NRG1: variants seen among roughly 807,000 people sequenced by gnomAD.
NRG1 encodes the protein pro-neuregulin-1, membrane-bound isoform.
NRG1 carries 18 observed loss-of-function variants against 63.8 expected under a neutral mutation model. That is an observed-to-expected ratio of 0.28 (90% CI 0.19 to 0.42). The LOEUF is 0.42. NRG1 is among the 10% of genes least tolerant of loss of function. The probability of loss-of-function intolerance (pLI) is 1.00; values close to 1 mark genes in which losing one functional copy is unlikely to be tolerated. For missense variants in NRG1, 762 were observed against 814.7 expected (o/e 0.94, Z 0.79); for synonymous variants, 302 against 301.3 (o/e 1.00, Z -0.02).
intron 1 of NRG1, among the ~76,000 whole-genome samples, chr8:31,800,812 G>A (rs1821693546): frequency 6.8e-6 from 1 of 146,878 alleles, no homozygotes; most frequent in Non-Finnish European, 1.5e-5. Flanking sequence ...ATAACATTGT[G>A]ATTTAGATTT....
At chr8:31,865,124 G>T (rs1201987528) in intron 1 of NRG1, among the ~76,000 whole-genome samples, 1 of 152,082 alleles carries the variant, frequency 6.6e-6, no homozygotes, top group Admixed American at 6.5e-5. Flanking sequence ...TGGCACCACT[G>T]CTGGCTTTAA....
At position 32,724,160 on chromosome 8, in the gene NRG1, A is replaced by G. The variant is rs553057242; in HGVS notation, c.503-3789A>G. ...AAAGTGTGTTTGGGATAAAGTGGTC[A>G]CATAAATGGCAAACATCAAAGTAAT... On this transcript the variant is annotated intron_variant, in intron 5 of 11. Coordinates refer to ENST00000356819, the Ensembl canonical transcript of NRG1. Among the ~76,000 whole-genome samples, 12 of 152,356 alleles carry G rather than the reference A, an allele frequency of 7.9e-5. 1 individual carries two copies. In the South Asian group the frequency reaches 2.5e-3, roughly 32 times the overall value.
chr8:32,088,666 C>T (rs912856797), intron 1 of NRG1, among the ~76,000 whole-genome samples: 2 of 151,992 alleles, frequency 1.3e-5, no homozygotes, highest in African/African-American at 2.4e-5. Flanking sequence ...TACAGGTGCA[C>T]GCCACCATGC....
chr8:31,894,124 G>T (rs1831369288), intron 1 of NRG1, among the ~76,000 whole-genome samples: 1 of 152,080 alleles, frequency 6.6e-6, no homozygotes, highest in African/African-American at 2.4e-5. Context: ...AGAAAGAAAG[G>T]TAATGTAATT....
chr8:32,098,018 T>C (rs1480884139), intron 1 of NRG1, among the ~76,000 whole-genome samples: 3 of 151,980 alleles, frequency 2.0e-5, no homozygotes, highest in Admixed American at 6.6e-5. Flanking sequence ...GTAAAGATTA[T>C]AGATAGAGAA....
At chr8:31,760,540 G>A (rs1028949896) in intron 1 of NRG1, among the ~76,000 whole-genome samples, 28 of 152,080 alleles carry the variant, frequency 1.8e-4, no homozygotes, top group East Asian at 5.8e-4. Flanking sequence ...GAAAATTTTC[G>A]CAACCTACTC....
chr8:32,720,520 T>G (rs1820350126), intron 5 of NRG1, among the ~76,000 whole-genome samples: 1 of 152,158 alleles, frequency 6.6e-6, no homozygotes, highest in Admixed American at 6.5e-5. Context: ...TATGGAAATT[T>G]TATACTCATA....
intron 1 of NRG1, among the ~76,000 whole-genome samples, chr8:32,411,946 C>G (rs1360563855): frequency 6.6e-6 from 1 of 152,180 alleles, no homozygotes; most frequent in Non-Finnish European, 1.5e-5. Context: ...TATGTATGAA[C>G]TTGACCAAGC....
rs181257106 is a variant in NRG1 at position 31,868,786 on chromosome 8, G to T, written c.37+229355G>T. Among the ~76,000 whole-genome samples, 12 of 152,280 alleles carry T rather than the reference G, an allele frequency of 7.9e-5. No homozygotes were observed. The East Asian group carries it at 2.3e-3, about 29-fold the overall frequency. ...TGTCATTGACATTATGTTCATAAGG[G>T]ATCCAAGGTTCAGAGGGATTGTATT... is the stretch of plus-strand genomic sequence containing the variant. On this transcript the variant is annotated intron_variant, in intron 1 of 10. Transcript: ENST00000519301.
chr8:32,609,006 G>C (rs933110571), intron 3 of NRG1, among the ~76,000 whole-genome samples: 4 of 152,142 alleles, frequency 2.6e-5, no homozygotes, highest in Admixed American at 2.6e-4. Flanking sequence ...ATTATCTGCT[G>C]TCTGGTCATA....
chr8:32,279,796 C>T (rs771792696), intron 1 of NRG1, among the ~76,000 whole-genome samples: 15 of 152,284 alleles, frequency 9.9e-5, no homozygotes, highest in Admixed American at 3.9e-4. Flanking sequence ...AGGCACTCTC[C>T]ATTACCTGCG....
At chr8:32,763,581 G>T (rs1012109122) in intron 11 of NRG1, among the ~76,000 whole-genome samples, 167 bp from the exon 12 acceptor site, 3 of 152,104 alleles carry the variant, frequency 2.0e-5, no homozygotes, top group Non-Finnish European at 4.4e-5. Flanking sequence ...CCTAATTTTC[G>T]ATTCCAAGGG....
chr8:32,586,422 T>A (rs866213813), intron 1 of NRG1, among the ~76,000 whole-genome samples: 1 of 152,274 alleles, frequency 6.6e-6, no homozygotes, highest in South Asian at 2.1e-4. Flanking sequence ...TTATCTCACC[T>A]AATAAACCTG....
At chr8:32,487,162 AAAT>A (rs1826007016) in intron 1 of NRG1, among the ~76,000 whole-genome samples, 2 of 152,038 alleles carry the variant, frequency 1.3e-5, no homozygotes, top group African/African-American at 4.8e-5. Context: ...AAAAAAAAAA[AAAT>A]AACGTAAAAC....
At chr8:32,586,764 T>C (rs1023152578) in intron 1 of NRG1, among the ~76,000 whole-genome samples, 3 of 152,206 alleles carry the variant, frequency 2.0e-5, no homozygotes, top group Admixed American at 2.0e-4. Flanking sequence ...TTACATGAAA[T>C]ACACACCAGA....
At chr8:32,477,034 G>A (rs916629609) in intron 1 of NRG1, among the ~76,000 whole-genome samples, 5 of 152,162 alleles carry the variant, frequency 3.3e-5, no homozygotes, top group Admixed American at 2.0e-4. Flanking sequence ...CAAAGAAGCC[G>A]ATGAGACAGA....
chr8:32,704,244 ACCACTTGC>A (rs1222638354), intron 5 of NRG1, among the ~76,000 whole-genome samples: 4 of 152,334 alleles, frequency 2.6e-5, no homozygotes, highest in African/African-American at 9.6e-5. Context: ...AAAAAGTGTG[ACCACTTGC>A]TGAGTAATTT....
At chr8:32,682,603 G>T (rs894083970) in intron 5 of NRG1, among the ~76,000 whole-genome samples, 1 of 152,108 alleles carries the variant, frequency 6.6e-6, no homozygotes, top group East Asian at 1.9e-4. Flanking sequence ...TTGCCACTTG[G>T]AATATCTCGA....
intron 1 of NRG1, among the ~76,000 whole-genome samples, chr8:32,401,984 C>A (rs1054797736): frequency 2.0e-5 from 3 of 152,092 alleles, no homozygotes; most frequent in Non-Finnish European, 4.4e-5. Flanking sequence ...GATCTTGGTT[C>A]ACTGCAACCT....
Sources: allele counts gnomAD v4.1 joint callset (sites outside exome capture counted in the v4.1 genomes callset), GRCh38; gene constraint gnomAD v4.1.1; transcripts MANE v1.5; gene names NCBI Gene and HGNC (gene_info 2026-07-23, HGNC 2026-07-21).